Variants in IL1RAPL1 observed in about 807,000 individuals in gnomAD.
IL1RAPL1 encodes interleukin 1 receptor accessory protein like 1.
Under a neutral mutation model 48.4 loss-of-function variants are expected in IL1RAPL1, and 3 were observed. The ratio of observed to expected loss-of-function variants is 0.06; its 90% CI spans 0.03 to 0.16. The LOEUF (loss-of-function observed/expected upper bound fraction) is 0.16, where lower values mean the gene tolerates loss of function less well. Ranked by LOEUF, IL1RAPL1 falls within the 10% of genes least tolerant of loss-of-function variation. The pLI, the probability that IL1RAPL1 is intolerant of heterozygous loss-of-function variation, is 1.00. For missense variants in IL1RAPL1, 349 were observed against 530.6 expected (o/e 0.66, Z 3.36); for synonymous variants, 185 against 187.7 (o/e 0.99, Z 0.12).
intron 5 of IL1RAPL1, among the ~76,000 whole-genome samples, chrX:29,544,303 C>T (rs189035642): frequency 1.8e-5 from 2 of 112,246 alleles, no homozygotes; most frequent in Admixed American, 9.4e-5. Context: ...TATATGTCCC[C>T]ACTCATTGCA....
intron 2 of IL1RAPL1, among the ~76,000 whole-genome samples, chrX:29,247,283 A>G (rs1411821269): frequency 8.9e-6 from 1 of 111,866 alleles, no homozygotes; most frequent in Non-Finnish European, 1.9e-5. Flanking sequence ...TCATTTACTT[A>G]CTGTTTTTTA....
chrX:28,597,915 TA>T (rs1933974640), intron 1 of IL1RAPL1, among the ~76,000 whole-genome samples: 1 of 110,698 alleles, frequency 9.0e-6, no homozygotes, highest in African/African-American at 3.3e-5. Flanking sequence ...GCAACAATGC[TA>T]AGATTTAAGT....
At chrX:29,268,038 C>T (rs1350961598) in intron 2 of IL1RAPL1, among the ~76,000 whole-genome samples, 3 of 111,143 alleles carry the variant, frequency 2.7e-5, no homozygotes, top group South Asian at 7.6e-4. Context: ...TTCACTGGGT[C>T]CTATCAGCAG....
chrX:28,690,305 A>G (rs1464848374), intron 1 of IL1RAPL1, among the ~76,000 whole-genome samples: 2 of 109,930 alleles, frequency 1.8e-5, no homozygotes, highest in African/African-American at 6.6e-5. Flanking sequence ...GATATAACCA[A>G]CTCCTAGGTG....
chrX:28,762,509 T>A (rs1601891759), intron 1 of IL1RAPL1, among the ~76,000 whole-genome samples: 1 of 111,258 alleles, frequency 9.0e-6, no homozygotes, highest in East Asian at 2.8e-4. Flanking sequence ...TTATTAATAA[T>A]CACTGTTTAA....
At chrX:29,185,383 T>C (rs1930230868) in intron 2 of IL1RAPL1, among the ~76,000 whole-genome samples, 1 of 111,856 alleles carries the variant, frequency 8.9e-6, no homozygotes, top group Non-Finnish European at 1.9e-5. Flanking sequence ...TATATGACTT[T>C]GGGGAAATTA....
intron 5 of IL1RAPL1, among the ~76,000 whole-genome samples, chrX:29,634,421 A>C (rs140378747): frequency 9.0e-6 from 1 of 111,610 alleles, no homozygotes; most frequent in African/African-American, 3.3e-5. Context: ...GGACATGAAG[A>C]ATTGCTGAGG....
At chrX:28,655,074 A>G (rs1473332205) in intron 1 of IL1RAPL1, among the ~76,000 whole-genome samples, 1 of 111,297 alleles carries the variant, frequency 9.0e-6, no homozygotes, top group African/African-American at 3.3e-5. Context: ...CATTTAAAAC[A>G]CTGAACTGCT....
intron 7 of IL1RAPL1, among the ~76,000 whole-genome samples, chrX:29,918,148 T>TATATAA (rs1932816514): frequency 2.6e-5 from 1 of 39,065 alleles, no homozygotes; most frequent in African/African-American, 1.2e-4. Context: ...AAAAAAAATA[T>TATATAA]ATATATATAT....
intron 2 of IL1RAPL1, among the ~76,000 whole-genome samples, chrX:29,174,548 C>T (rs1462313696): frequency 9.0e-6 from 1 of 111,626 alleles, no homozygotes; most frequent in Non-Finnish European, 1.9e-5. Flanking sequence ...GGAGAGATGA[C>T]CAGTGGTTAA....
chrX:29,277,198 G>T (rs1337455806), intron 2 of IL1RAPL1, among the ~76,000 whole-genome samples: 1 of 111,958 alleles, frequency 8.9e-6, no homozygotes, highest in Non-Finnish European at 1.9e-5. Context: ...GTAGGATGAC[G>T]TGCATCTGTT....
At chrX:29,059,178 C>A (rs1285568671) in intron 2 of IL1RAPL1, among the ~76,000 whole-genome samples, 1 of 111,453 alleles carries the variant, frequency 9.0e-6, no homozygotes, top group Non-Finnish European at 1.9e-5. Flanking sequence ...GGTTTATAAT[C>A]AGCAAATTTT....
At chrX:29,188,832 G>T (rs963471574) in intron 2 of IL1RAPL1, among the ~76,000 whole-genome samples, 7 of 110,851 alleles carry the variant, frequency 6.3e-5, no homozygotes, top group South Asian at 3.8e-4. Flanking sequence ...TGATCTACCA[G>T]CTTCGGCCTC....
At chrX:28,885,035 C>T (rs938173481) in intron 2 of IL1RAPL1, among the ~76,000 whole-genome samples, 2 of 110,967 alleles carry the variant, frequency 1.8e-5, no homozygotes, top group African/African-American at 6.5e-5. Context: ...GATGTTACAA[C>T]TGGTAAAAAG....
chrX:29,605,675 A>G (rs1453901706), intron 5 of IL1RAPL1, among the ~76,000 whole-genome samples: 1 of 112,058 alleles, frequency 8.9e-6, no homozygotes, highest in African/African-American at 3.2e-5. Context: ...CACAAAATGG[A>G]TACTCGTTAT....
intron 1 of IL1RAPL1, among the ~76,000 whole-genome samples, chrX:28,747,385 C>A (rs763114261): frequency 1.8e-5 from 2 of 111,565 alleles, no homozygotes; most frequent in South Asian, 7.5e-4. Flanking sequence ...CCTGTAATCC[C>A]AACACTTTAG....
At chrX:29,543,488 C>T (rs906357050) in intron 5 of IL1RAPL1, among the ~76,000 whole-genome samples, 2 of 110,185 alleles carry the variant, frequency 1.8e-5, no homozygotes, top group Admixed American at 9.8e-5. Context: ...TCTCCCTGTG[C>T]GAACACAATA....
At chrX:28,942,652 A>T (rs1470713307) in intron 2 of IL1RAPL1, 3 of 93,183 alleles carry the variant, frequency 3.2e-5, no homozygotes, top group African/African-American at 1.2e-4. Flanking sequence ...TCTAATAGTA[A>T]AAAAAAAAAA....
intron 2 of IL1RAPL1, among the ~76,000 whole-genome samples, chrX:29,051,855 A>G (rs1048838073): frequency 2.7e-5 from 3 of 112,368 alleles, no homozygotes; most frequent in Non-Finnish European, 3.8e-5. Flanking sequence ...CCTATAATAC[A>G]TGTAGTTGTG....
Sources: gnomAD v4.1 joint callset for allele counts (sites outside exome capture counted in the v4.1 genomes callset) on GRCh38, gnomAD v4.1.1 for gene constraint, MANE v1.5 for transcripts, NCBI Gene and HGNC (gene_info 2026-07-23, HGNC 2026-07-21) for gene names.